ZFPM2: variants seen among roughly 807,000 people sequenced by gnomAD.
The protein encoded by ZFPM2 is zinc finger protein ZFPM2.
A neutral mutation model predicts 98.6 loss-of-function variants in ZFPM2; 20 were observed. The ratio of observed to expected loss-of-function variants is 0.20; its 90% CI spans 0.14 to 0.29. The LOEUF (loss-of-function observed/expected upper bound fraction) is 0.29, where lower values mean the gene tolerates loss of function less well. ZFPM2 is among the 10% of genes least tolerant of loss of function. The pLI, the probability that ZFPM2 is intolerant of heterozygous loss-of-function variation, is 1.00. For missense variants in ZFPM2, 1,310 were observed against 1,388.6 expected (o/e 0.94, Z 0.90); for synonymous variants, 518 against 502.7 (o/e 1.03, Z -0.41).
At chr8:105,541,668 A>C (rs1814577558) in intron 3 of ZFPM2, among the ~76,000 whole-genome samples, 1 of 152,204 alleles carries the variant, frequency 6.6e-6, no homozygotes, top group Admixed American at 6.5e-5. Context: ...AGTATCTTTC[A>C]CCAGGGAGCA....
At chr8:105,477,177 T>G (rs1813028386) in intron 3 of ZFPM2, among the ~76,000 whole-genome samples, 1 of 152,018 alleles carries the variant, frequency 6.6e-6, no homozygotes, top group Non-Finnish European at 1.5e-5. Context: ...GGTTGACTTG[T>G]GCTTAATACT....
chr8:105,718,004 A>G (rs1811565186), intron 5 of ZFPM2, among the ~76,000 whole-genome samples: 1 of 151,756 alleles, frequency 6.6e-6, no homozygotes, highest in African/African-American at 2.4e-5. Context: ...TTTAACAGTA[A>G]GATACTGTGT....
chr8:105,404,114 G>A (rs1424336174), intron 1 of ZFPM2, among the ~76,000 whole-genome samples: 2 of 152,038 alleles, frequency 1.3e-5, no homozygotes, highest in Non-Finnish European at 2.9e-5. Flanking sequence ...GTTTAAAGGA[G>A]ATATCAAAAT....
At chr8:105,634,204 A>G (rs370172037) in intron 4 of ZFPM2, 42 bp from the exon 5 acceptor site, 1 of 1,481,914 alleles carries the variant, frequency 6.7e-7, no homozygotes, top group Non-Finnish European at 9.3e-7. Flanking sequence ...TTTTTAATCA[A>G]CGGAAGCAAA....
chr8:105,713,243 C>T (rs1811444743), intron 5 of ZFPM2, among the ~76,000 whole-genome samples: 1 of 151,790 alleles, frequency 6.6e-6, no homozygotes, highest in African/African-American at 2.4e-5. Context: ...GTGTGAGATG[C>T]CATCTCATTG....
chr8:105,464,528 A>T (rs745338292), intron 3 of ZFPM2, among the ~76,000 whole-genome samples: 8 of 152,038 alleles, frequency 5.3e-5, no homozygotes, highest in Non-Finnish European at 8.8e-5. Context: ...AGAGAAAACC[A>T]TCAGTCAGGA....
chr8:105,354,751 G>A (rs1229123646), intron 1 of ZFPM2, among the ~76,000 whole-genome samples: 7 of 152,086 alleles, frequency 4.6e-5, no homozygotes, highest in African/African-American at 1.4e-4. Flanking sequence ...TCAGGAGATC[G>A]AGACCATCTT....
At chr8:105,377,183 G>T (rs1038127535) in intron 1 of ZFPM2, among the ~76,000 whole-genome samples, 4 of 152,232 alleles carry the variant, frequency 2.6e-5, no homozygotes, top group African/African-American at 9.6e-5. Context: ...TTCAAGGAGG[G>T]CTTCCCTGAC....
chr8:105,482,071 C>G (rs1252713110), intron 3 of ZFPM2, among the ~76,000 whole-genome samples: 2 of 152,124 alleles, frequency 1.3e-5, no homozygotes, highest in Non-Finnish European at 2.9e-5. Context: ...GCCTGATTTA[C>G]CAATTATGGC....
At chr8:105,444,688 G>A (rs764092992) in intron 3 of ZFPM2, among the ~76,000 whole-genome samples, 3 of 151,864 alleles carry the variant, frequency 2.0e-5, no homozygotes, top group Non-Finnish European at 4.4e-5. Flanking sequence ...TTTAAATTGG[G>A]CACACTATTA....
chr8:105,460,591 A>G (rs1467815465), intron 3 of ZFPM2, among the ~76,000 whole-genome samples: 1 of 152,146 alleles, frequency 6.6e-6, no homozygotes, highest in Non-Finnish European at 1.5e-5. Context: ...TTAGACACTC[A>G]GGCAATAGGC....
At chr8:105,760,401 A>C (rs1812708673) in intron 5 of ZFPM2, among the ~76,000 whole-genome samples, 1 of 152,092 alleles carries the variant, frequency 6.6e-6, no homozygotes. Context: ...CCAACTCTGC[A>C]CTTAAAACAT....
At chr8:105,651,337 G>A (rs1240437663) in intron 5 of ZFPM2, among the ~76,000 whole-genome samples, 7 of 151,624 alleles carry the variant, frequency 4.6e-5, no homozygotes, top group South Asian at 2.1e-4. Context: ...GTGTGGTGGC[G>A]GGCACCTGTA....
At chr8:105,658,657 C>G (rs1817334998) in intron 5 of ZFPM2, among the ~76,000 whole-genome samples, 1 of 149,706 alleles carries the variant, frequency 6.7e-6, no homozygotes, top group Admixed American at 6.7e-5. Context: ...TACCTTCAGT[C>G]TATCTGTTAT....
intron 4 of ZFPM2, among the ~76,000 whole-genome samples, chr8:105,564,110 T>C (rs1815196428): frequency 6.6e-6 from 1 of 152,064 alleles, no homozygotes; most frequent in African/African-American, 2.4e-5. Flanking sequence ...GTTGATGTCA[T>C]TTTGCTATTT....
intron 1 of ZFPM2, among the ~76,000 whole-genome samples, chr8:105,375,374 T>C (rs1304603401): frequency 6.6e-6 from 1 of 152,086 alleles, no homozygotes; most frequent in Non-Finnish European, 1.5e-5. Flanking sequence ...GCCTGGAGCC[T>C]CTATCTGCAG....
intron 5 of ZFPM2, among the ~76,000 whole-genome samples, chr8:105,742,498 G>A (rs116368688): frequency 0.01 from 1,559 of 151,826 alleles, 27 homozygotes; most frequent in African/African-American, 0.035. Flanking sequence ...AGAGAGGGTC[G>A]TGATTCCGAG....
chr8:105,320,115 T>C (rs750173663), intron 1 of ZFPM2, among the ~76,000 whole-genome samples: 13 of 152,140 alleles, frequency 8.5e-5, no homozygotes, highest in Non-Finnish European at 1.6e-4. Context: ...CTTTCCCCCC[T>C]GATTATTAAC....
At chr8:105,687,896 A>G (rs1358987868) in intron 5 of ZFPM2, among the ~76,000 whole-genome samples, 3 of 152,194 alleles carry the variant, frequency 2.0e-5, no homozygotes, top group Admixed American at 6.5e-5. Context: ...AGAAGAATAC[A>G]TAGTATATTG....
Sources: gnomAD v4.1 joint callset for allele counts (sites outside exome capture counted in the v4.1 genomes callset) on GRCh38, gnomAD v4.1.1 for gene constraint, MANE v1.5 for transcripts, NCBI Gene and HGNC (gene_info 2026-07-23, HGNC 2026-07-21) for gene names.